TAOK3: variants seen among roughly 807,000 people sequenced by gnomAD.
TAOK3 encodes TAO kinase 3.
A neutral mutation model predicts 120.4 loss-of-function variants in TAOK3; 40 were observed. That is an observed-to-expected ratio of 0.33 (90% CI 0.26 to 0.43). TAOK3 has a LOEUF of 0.43. TAOK3 is among the 20% of genes least tolerant of loss of function. TAOK3 has a pLI of 1.00. For missense variants in TAOK3, 821 were observed against 1,112.1 expected, an observed-to-expected ratio of 0.74 and a Z score of 3.72; for synonymous variants, 355 against 387.5, an observed-to-expected ratio of 0.92 and a Z score of 0.99.
intron 16 of TAOK3, among the ~76,000 whole-genome samples, chr12:118,173,507 G>C (rs2036133993): frequency 6.6e-6 from 1 of 152,224 alleles, no homozygotes; most frequent in South Asian, 2.1e-4. Context: ...AGGCAAGAGA[G>C]ATGGTAGTAG....
intron 1 of TAOK3, among the ~76,000 whole-genome samples, chr12:118,311,261 G>A (rs1003733840): frequency 1.3e-5 from 2 of 152,176 alleles, no homozygotes; most frequent in African/African-American, 4.8e-5. Context: ...AGGAGTTCGA[G>A]ACCAGCCTAA....
intron 16 of TAOK3, among the ~76,000 whole-genome samples, chr12:118,174,056 C>T (rs976145336): frequency 7.2e-5 from 11 of 152,130 alleles, no homozygotes; most frequent in Admixed American, 7.2e-4. Flanking sequence ...TCTCTTCATG[C>T]CGTGATGTCA....
At chr12:118,245,633 A>C (rs1593282952) in intron 3 of TAOK3, among the ~76,000 whole-genome samples, 1 of 152,158 alleles carries the variant, frequency 6.6e-6, no homozygotes, top group East Asian at 1.9e-4. Flanking sequence ...TTATATTTAA[A>C]ATAATATCTC....
In TAOK3 at chr12:118,217,817, A is replaced by AGTGTGTG. The variant is rs1565963623; in HGVS notation, c.644-3708_644-3707insCACACAC. 8.5e-4 allele frequency among the ~76,000 whole-genome samples: 19 copies of AGTGTGTG among 22,256 alleles called. 1 individual carries two copies. The highest frequency in any genetic ancestry group is 5.5e-3 in the South Asian group (5 of 916). The allele number at this position is 22,256 out of a possible 152,430, so 14.6% of individuals were successfully genotyped here. A position where few individuals can be genotyped will look rare whatever the true frequency, so the allele number is the denominator to read the frequency against. On this transcript the variant is annotated intron_variant, in intron 9 of 20. Transcript: ENST00000392533. ...TATGTATGTGTGTGTGTGTGTATAC[A>AGTGTGTG]TATATATATATATATATATATATAT...
intron 1 of TAOK3, among the ~76,000 whole-genome samples, chr12:118,288,015 C>G (rs1190087447): frequency 6.6e-6 from 1 of 151,430 alleles, no homozygotes; most frequent in Non-Finnish European, 1.5e-5. Flanking sequence ...AACCTTCATA[C>G]AGCTAATGAA....
intron 11 of TAOK3, among the ~76,000 whole-genome samples, chr12:118,207,866 A>G (rs1399752509): frequency 6.6e-6 from 1 of 151,480 alleles, no homozygotes; most frequent in Admixed American, 6.6e-5. Context: ...TCTCACACAC[A>G]CACACACACA....
intron 1 of TAOK3, among the ~76,000 whole-genome samples, chr12:118,333,501 G>A (rs1483683985): frequency 2.0e-5 from 3 of 152,126 alleles, no homozygotes; most frequent in Non-Finnish European, 4.4e-5. Flanking sequence ...AGAGGGAAAT[G>A]CATACTATTA....
intron 1 of TAOK3, among the ~76,000 whole-genome samples, chr12:118,282,696 T>A (rs1015871306): frequency 1.3e-5 from 2 of 152,206 alleles, no homozygotes; most frequent in Admixed American, 1.3e-4. Context: ...ATGCTGTTGA[T>A]GCCATCATCA....
chr12:118,178,742 G>A (rs1273111941), intron 15 of TAOK3, among the ~76,000 whole-genome samples: 1 of 152,196 alleles, frequency 6.6e-6, no homozygotes, highest in Non-Finnish European at 1.5e-5. Context: ...ACAGGCATGA[G>A]CCATTTTATT....
chr12:118,177,348 C>T lies in TAOK3; in HGVS notation c.1567-19G>A. 1 of 1,611,778 alleles carries T rather than the reference C, an allele frequency of 6.2e-7. No individual in the cohort carries two copies. Among genetic ancestry groups the T allele is most frequent in the Non-Finnish European group, 8.5e-7 (1 of 1,179,108 alleles). The stretch of plus-strand genomic sequence containing the variant: ...CCTTTGCCTGATAAAATAACAAATA[C>T]AATGTAGGATGAATCTATTCTTTAC... On this transcript the variant is annotated intron_variant, in intron 15 of 20. Coordinates refer to ENST00000392533, the MANE Select transcript of TAOK3 (RefSeq NM_016281.4).
At chr12:118,216,396 C>T (rs1232309040) in intron 9 of TAOK3, among the ~76,000 whole-genome samples, 1 of 152,174 alleles carries the variant, frequency 6.6e-6, no homozygotes, top group African/African-American at 2.4e-5. Flanking sequence ...GGCATGTGCT[C>T]ACCTATCATA....
intron 3 of TAOK3, among the ~76,000 whole-genome samples, chr12:118,245,186 C>T (rs1429955222): frequency 6.6e-6 from 1 of 152,252 alleles, no homozygotes; most frequent in Admixed American, 6.5e-5. Context: ...GCACGCACCA[C>T]CATGCCACGC....
chr12:118,269,016 GAAAAGAAAAGAAAAC>G, intron 1 of TAOK3, among the ~76,000 whole-genome samples: 1 of 151,562 alleles, frequency 6.6e-6, no homozygotes, highest in Non-Finnish European at 1.5e-5. Flanking sequence ...TCAGAAGAAA[GAAAAGAAAAGAAAAC>G]AAAAGAAAAG....
chr12:118,367,338 G>GT (rs1176235024), intron 1 of TAOK3, among the ~76,000 whole-genome samples: 4 of 151,606 alleles, frequency 2.6e-5, no homozygotes, highest in Non-Finnish European at 5.9e-5. Flanking sequence ...TATAAAGCAG[G>GT]TAACTTTAAT....
intron 15 of TAOK3, among the ~76,000 whole-genome samples, chr12:118,180,555 A>C (rs1049080121): frequency 6.6e-6 from 1 of 152,108 alleles, no homozygotes; most frequent in Non-Finnish European, 1.5e-5. Flanking sequence ...CTGCTTTTAA[A>C]ATTAGTTTAG....
At chr12:118,167,101 CTTCTTAGTTTCAG>C (rs952262297) in intron 17 of TAOK3, among the ~76,000 whole-genome samples, 9 of 152,006 alleles carry the variant, frequency 5.9e-5, no homozygotes, top group Non-Finnish European at 8.8e-5. Flanking sequence ...CATTTAATGC[CTTCTTAGTTTCAG>C]TTCTTAGTTT....
At chr12:118,152,562 G>A (rs2034526599) in intron 19 of TAOK3, 153 bp from the exon 20 acceptor site, 2 of 681,312 alleles carry the variant, frequency 2.9e-6, no homozygotes, top group African/African-American at 3.6e-5. Context: ...ATTCAGAGTT[G>A]GGAATCAAAA....
intron 1 of TAOK3, among the ~76,000 whole-genome samples, chr12:118,330,192 A>AT (rs2044084983): frequency 6.6e-6 from 1 of 152,208 alleles, no homozygotes; most frequent in African/African-American, 2.4e-5. Flanking sequence ...CCTCACTATA[A>AT]AAAGTCAAAG....
At chr12:118,328,910 G>A (rs1262917587) in intron 1 of TAOK3, among the ~76,000 whole-genome samples, 1 of 152,146 alleles carries the variant, frequency 6.6e-6, no homozygotes, top group African/African-American at 2.4e-5. Flanking sequence ...TCATTCATTC[G>A]GCAAATCTAT....
Sources: gnomAD v4.1 joint callset for allele counts (sites outside exome capture counted in the v4.1 genomes callset) on GRCh38, gnomAD v4.1.1 for gene constraint, MANE v1.5 for transcripts, NCBI Gene and HGNC (gene_info 2026-07-23, HGNC 2026-07-21) for gene names.